The following PPP2R2A variants were observed in gnomAD, a reference collection of about 807,000 sequenced individuals.
The protein encoded by PPP2R2A is protein phosphatase 2 regulatory subunit Balpha.
PPP2R2A carries 9 observed loss-of-function variants against 53.2 expected under a neutral mutation model. That is an observed-to-expected ratio of 0.17 (90% CI 0.10 to 0.30). PPP2R2A has a LOEUF of 0.30. Among genes scored for constraint, PPP2R2A ranks in the 10% least tolerant of loss-of-function variants. PPP2R2A has a pLI of 1.00. For missense variants in PPP2R2A, 235 were observed against 534.6 expected (o/e 0.44, Z 5.53); for synonymous variants, 169 against 174.2 (o/e 0.97, Z 0.23).
chr8:26,302,536 G>A (rs750344121), intron 2 of PPP2R2A, among the ~76,000 whole-genome samples: 1 of 152,184 alleles, frequency 6.6e-6, no homozygotes, highest in East Asian at 1.9e-4. Context: ...ACAGACTACC[G>A]ATATGTTTTG....
At chr8:26,342,472 A>C (rs1197344047) in intron 3 of PPP2R2A, among the ~76,000 whole-genome samples, 1 of 152,130 alleles carries the variant, frequency 6.6e-6, no homozygotes, top group African/African-American at 2.4e-5. Context: ...TGGGTGCTCA[A>C]ATTAGGTAAT....
rs922500873 is a variant in PPP2R2A, at chr8:26,372,462, T to A, written c.*2049T>A. Reference sequence around the variant, plus strand: ...TTTTTTGATTGATCAGTAGCTATGATGATTCTCCTCCATGACACTAAGGAT... The same window carrying A: ...TTTTTTGATTGATCAGTAGCTATGAAGATTCTCCTCCATGACACTAAGGAT... On this transcript the variant is annotated 3_prime_UTR_variant, in exon 10 of 10. Transcript: ENST00000380737. 6.6e-6 allele frequency: 1 copy of A among 152,206 alleles called. No homozygotes were observed. The highest frequency in any genetic ancestry group is 2.4e-5 in the African/African-American group (1 of 41,452). 9.4% of individuals were successfully genotyped at this position (152,206 alleles called of 1,614,324 possible). A position where few individuals can be genotyped will look rare whatever the true frequency, so the allele number is the denominator to read the frequency against.
At chr8:26,355,079 G>A (rs1804702868) in intron 4 of PPP2R2A, among the ~76,000 whole-genome samples, 1 of 152,074 alleles carries the variant, frequency 6.6e-6, no homozygotes, top group Non-Finnish European at 1.5e-5. Flanking sequence ...TCCTTTTTAA[G>A]TGTTTGTAAA....
intron 2 of PPP2R2A, among the ~76,000 whole-genome samples, chr8:26,295,550 A>G (rs764955048): frequency 2.0e-5 from 3 of 152,240 alleles, no homozygotes; most frequent in Non-Finnish European, 4.4e-5. Context: ...TGAAGTTAGG[A>G]GATAAATCAG....
chr8:26,360,301 AT>A lies in PPP2R2A; in HGVS notation c.459+21del, dbSNP rs1360048802. On this transcript the variant is annotated intron_variant, in intron 5 of 9. Transcript: ENST00000380737. The surrounding 1 kb of genome is among the most constrained non-coding windows in gnomAD (Gnocchi z 4.5). ...CTACGAGTAAGTACATAAGAAAAAA[AT>A]GTCACAGATAGTGCTTGTATTCATA... 9.1e-6 allele frequency: 13 copies of A among 1,436,448 alleles called. No individual in the cohort carries two copies. Among genetic ancestry groups the A allele is most frequent in the Non-Finnish European group, 1.3e-5 (13 of 1,033,632 alleles). The allele number at this position is 1,436,448 out of a possible 1,614,324, so 89.0% of individuals were successfully genotyped here.
At chr8:26,313,110 T>G (rs1212582716) in intron 2 of PPP2R2A, among the ~76,000 whole-genome samples, 1 of 151,602 alleles carries the variant, frequency 6.6e-6, no homozygotes, top group African/African-American at 2.4e-5. Context: ...CTTGGCTCAC[T>G]GCAGCCTCCA....
intron 1 of PPP2R2A, chr8:26,292,061 TG>T: frequency 1.4e-6 from 1 of 725,850 alleles, no homozygotes; most frequent in South Asian, 6.6e-5. Context: ...GGGGTGGGGG[TG>T]GGGTGTGCCG....
chr8:26,291,677 T>TACCCCCC lies in PPP2R2A; in HGVS notation c.-143_-142insACCCCCC. ...TGGTCTGCCCGCCCCTCCTTCCTTT[T>TACCCCCC]CCCCCCGGCCCCCGTCCCCTCCCCC... On this transcript the variant is annotated 5_prime_UTR_variant, in exon 1 of 10. Coordinates refer to ENST00000380737, the MANE Select transcript of PPP2R2A (RefSeq NM_002717.4). 1 of 451,622 alleles carries TACCCCCC rather than the reference T, an allele frequency of 2.2e-6. No homozygotes were observed. The highest frequency in any genetic ancestry group is 3.8e-5 in the Admixed American group (1 of 26,364). 28.0% of individuals were successfully genotyped at this position (451,622 alleles called of 1,614,324 possible).
At chr8:26,369,754 C>T (rs939380497) in intron 9 of PPP2R2A, among the ~76,000 whole-genome samples, 23 of 152,184 alleles carry the variant, frequency 1.5e-4, no homozygotes, top group African/African-American at 4.8e-4. Context: ...CTACTTCATG[C>T]GGGGTTCTTT....
intron 2 of PPP2R2A, among the ~76,000 whole-genome samples, chr8:26,330,217 T>G (rs1435987613): frequency 3.3e-5 from 5 of 152,228 alleles, no homozygotes; most frequent in Non-Finnish European, 7.3e-5. Context: ...CAATGTATCT[T>G]TCACTTCAAA....
At position 26,362,063 on chromosome 8, in the gene PPP2R2A, T is replaced by TTAAGATTAGATTAAGATTAATC. The variant is rs1805125862; in HGVS notation, c.638-620_638-619insAAGATTAGATTAAGATTAATCT. ...ATCTTAAGATTAGATTAAGATTAATTTTAAGATTAGAAAAAGATTAATAAT... is the reference window on the plus strand; with the variant it reads ...ATCTTAAGATTAGATTAAGATTAATTTAAGATTAGATTAAGATTAATCTTAAGATTAGAAAAAGATTAATAAT... On this transcript the variant is annotated intron_variant, in intron 6 of 9. Transcript: ENST00000380737. The surrounding 1 kb of genome is among the most constrained non-coding windows in gnomAD (Gnocchi z 4.4). Among the ~76,000 whole-genome samples, 1 of 147,138 alleles carries TTAAGATTAGATTAAGATTAATC rather than the reference T, an allele frequency of 6.8e-6. No homozygotes were observed. Among genetic ancestry groups the TTAAGATTAGATTAAGATTAATC allele is most frequent in the African/African-American group, 2.6e-5 (1 of 38,990 alleles).
Position 26,321,024 on chromosome 8 carries a change from C to T in PPP2R2A, c.83-17866C>T, listed in dbSNP as rs190628996. ...ACAGATGACACACTGAAATGACCAA[C>T]GAGCATAATAAGGAGAATTCAGTAT... On this transcript the variant is annotated intron_variant, in intron 2 of 9. Transcript: ENST00000380737. This position sits in a 1 kb window ranked among gnomAD's most constrained non-coding sequence, Gnocchi z 4.1. Among the ~76,000 whole-genome samples the T allele has an allele frequency of 1.9e-3, 285 of 152,178 alleles. No homozygotes were observed. Among genetic ancestry groups the T allele is most frequent in the Admixed American group, 5.2e-3 (80 of 15,284 alleles).
At chr8:26,314,976 A>G (rs1228681889) in intron 2 of PPP2R2A, among the ~76,000 whole-genome samples, 1 of 106,152 alleles carries the variant, frequency 9.4e-6, no homozygotes, top group East Asian at 3.0e-4. Flanking sequence ...TCTTTCATTT[A>G]TTTTTACCAT....
At position 26,299,676 on chromosome 8, in the gene PPP2R2A, G is replaced by A. The variant is rs553073813; in HGVS notation, c.82+5936G>A. 2.6e-5 allele frequency among the ~76,000 whole-genome samples: 4 copies of A among 151,000 alleles called. No homozygotes were observed. The South Asian group carries it at 8.4e-4, about 32-fold the overall frequency. The stretch of plus-strand genomic sequence containing the variant: ...TTTTAGTCCATTCCATATGTTTAAT[G>A]CTATAATGTAAACAATTTAAAATCA... On this transcript the variant is annotated intron_variant, in intron 2 of 9. Transcript: ENST00000380737.
intron 3 of PPP2R2A, among the ~76,000 whole-genome samples, chr8:26,348,048 A>G (rs543147800): frequency 6.6e-6 from 1 of 152,278 alleles, no homozygotes; most frequent in Admixed American, 6.5e-5. Context: ...CCATTTCACA[A>G]GACACTGACT....
chr8:26,333,924 T>G (rs1803515306), intron 2 of PPP2R2A, among the ~76,000 whole-genome samples: 1 of 152,214 alleles, frequency 6.6e-6, no homozygotes, highest in South Asian at 2.1e-4. Context: ...GTGGAAAAAG[T>G]AAGAATTTCA....
At chr8:26,339,119 T>C in intron 3 of PPP2R2A, 132 bp downstream of exon 3, 1 of 629,584 alleles carries the variant, frequency 1.6e-6, no homozygotes. Context: ...CAATGTCCAA[T>C]ATATAGACAG....
At chr8:26,292,177 C>G (rs1801329759) in intron 1 of PPP2R2A, 2 of 1,171,898 alleles carry the variant, frequency 1.7e-6, no homozygotes, top group East Asian at 8.6e-5. Flanking sequence ...CCACCTTGCC[C>G]CCCGCCTTTA....
intron 2 of PPP2R2A, among the ~76,000 whole-genome samples, chr8:26,305,723 A>G (rs1169739445): frequency 6.6e-6 from 1 of 152,062 alleles, no homozygotes; most frequent in Non-Finnish European, 1.5e-5. Context: ...TACTGTGAAA[A>G]CCTTCTCTAA....
Sources: gnomAD v4.1 joint callset for allele counts (sites outside exome capture counted in the v4.1 genomes callset) on GRCh38, gnomAD v4.1.1 for gene constraint, Gnocchi (gnomAD v3.1) non-coding constraint, MANE v1.5 for transcripts, NCBI Gene and HGNC (gene_info 2026-07-23, HGNC 2026-07-21) for gene names.